The following LINC00237 variants were observed in gnomAD, a reference collection of about 807,000 sequenced individuals.
LINC00237 encodes the protein long independently transcribed non-coding RNA 237.
intron 1 of LINC00237, among the ~76,000 whole-genome samples, chr20:21,095,367 AC>A (rs770271513): frequency 7.9e-5 from 12 of 152,228 alleles, no homozygotes; most frequent in Non-Finnish European, 1.3e-4. Context: ...AAAGTGCCCA[AC>A]AAGCCCTGCT....
chr20:21,090,260 GTTC>G (rs1296014450), intron 2 of LINC00237: 1 of 152,226 alleles, frequency 6.6e-6, no homozygotes, highest in African/African-American at 2.4e-5. Flanking sequence ...AGGAAGGCCA[GTTC>G]TTCTATTATC....
intron 2 of LINC00237, among the ~76,000 whole-genome samples, chr20:21,090,890 T>A (rs906994623): frequency 1.3e-5 from 2 of 152,192 alleles, no homozygotes; most frequent in African/African-American, 4.8e-5. Flanking sequence ...CTACACTCAT[T>A]TGGCTGTGAC....
intron 2 of LINC00237, among the ~76,000 whole-genome samples, chr20:21,091,061 G>T (rs1175504264): frequency 7.9e-6 from 1 of 126,064 alleles, no homozygotes; most frequent in Non-Finnish European, 1.6e-5. Context: ...GTGTGTGTGC[G>T]TGTGTGTGTG....
chr20:21,097,066 G>A (rs925612785), intron 1 of LINC00237, among the ~76,000 whole-genome samples: 1 of 152,190 alleles, frequency 6.6e-6, no homozygotes, highest in African/African-American at 2.4e-5. Context: ...AAAGAACCAC[G>A]GGGCTAGCTG....
At chr20:21,092,925 T>C (rs1019289055) in intron 2 of LINC00237, 1 of 152,216 alleles carries the variant, frequency 6.6e-6, no homozygotes, top group African/African-American at 2.4e-5. Context: ...ATTGCTAAAG[T>C]TGCTAAGTCA....
At chr20:21,104,868 CAT>C (rs2030977835) in intron 1 of LINC00237, among the ~76,000 whole-genome samples, 1 of 152,176 alleles carries the variant, frequency 6.6e-6, no homozygotes. Flanking sequence ...CACACACACT[CAT>C]ATATTTTTTC....
At chr20:21,090,008 T>C (rs1371755664) in intron 2 of LINC00237, 1 of 152,250 alleles carries the variant, frequency 6.6e-6, no homozygotes, top group Non-Finnish European at 1.5e-5. Context: ...TGTTTTTATG[T>C]AGACGTCTGA....
intron 1 of LINC00237, among the ~76,000 whole-genome samples, chr20:21,100,585 A>C (rs1214523738): frequency 6.6e-6 from 1 of 152,042 alleles, no homozygotes; most frequent in Admixed American, 6.5e-5. Flanking sequence ...CGCTAACCCC[A>C]AAAACATTTT....
chr20:21,086,554 C>CTA (rs200504314), intron 3 of LINC00237, among the ~76,000 whole-genome samples: 2 of 103,058 alleles, frequency 1.9e-5, no homozygotes, highest in South Asian at 3.1e-4. Flanking sequence ...TATATATGTA[C>CTA]TATATATATA....
intron 1 of LINC00237, among the ~76,000 whole-genome samples, chr20:21,105,461 C>T (rs2122187713): frequency 6.6e-6 from 1 of 152,352 alleles, no homozygotes; most frequent in Non-Finnish European, 1.5e-5. Flanking sequence ...GCTGCAGCCC[C>T]CGGAGCAGAC....
intron 2 of LINC00237, among the ~76,000 whole-genome samples, chr20:21,088,224 G>A (rs765738457): frequency 3.2e-4 from 48 of 152,100 alleles, no homozygotes; most frequent in Non-Finnish European, 1.6e-4. Flanking sequence ...TAAAGGTGGC[G>A]TAGAAAGATA....
chr20:21,092,649 T>C (rs1568885041), intron 2 of LINC00237, among the ~76,000 whole-genome samples: 1 of 152,174 alleles, frequency 6.6e-6, no homozygotes, highest in Non-Finnish European at 1.5e-5. Context: ...ATTAACAGAA[T>C]GGCCAGTCTT....
chr20:21,100,608 G>A (rs1191698046), intron 1 of LINC00237, among the ~76,000 whole-genome samples: 1 of 149,990 alleles, frequency 6.7e-6, no homozygotes, highest in African/African-American at 2.5e-5. Context: ...TTTTCTTTTT[G>A]TTCTTTGTAA....
At chr20:21,096,635 A>T (rs1379014265) in intron 1 of LINC00237, among the ~76,000 whole-genome samples, 1 of 152,168 alleles carries the variant, frequency 6.6e-6, no homozygotes, top group Non-Finnish European at 1.5e-5. Flanking sequence ...GCCTTTCTGC[A>T]CACTATTTTT....
In LINC00237 at chr20:21,096,065, G is replaced by T. The variant is rs143131612; in HGVS notation, n.89-2213C>A. Among the ~76,000 whole-genome samples, 263 of 152,182 alleles carry T rather than the reference G, an allele frequency of 1.7e-3. 1 individual carries two copies. Among genetic ancestry groups the T allele is most frequent in the African/African-American group, 6.2e-3 (259 of 41,494 alleles). ...TGTCTCTCAACTTCATTCCCTTACTGGTGTTTCCAGAGATCACCTTTCGGT... is the reference window on the plus strand; with the variant it reads ...TGTCTCTCAACTTCATTCCCTTACTTGTGTTTCCAGAGATCACCTTTCGGT... On this transcript the variant is annotated intron_variant and non_coding_transcript_variant, in intron 1 of 3. Coordinates refer to ENST00000691244, the Ensembl canonical transcript of LINC00237.
intron 2 of LINC00237, among the ~76,000 whole-genome samples, chr20:21,088,209 G>T (rs569574388): frequency 6.6e-6 from 1 of 152,082 alleles, no homozygotes; most frequent in Admixed American, 6.6e-5. Context: ...CTATAGGACC[G>T]TGAATAAAGG....
intron 3 of LINC00237, among the ~76,000 whole-genome samples, chr20:21,086,626 T>C (rs1332022495): frequency 5.0e-5 from 2 of 39,916 alleles, no homozygotes; most frequent in Non-Finnish European, 1.1e-4. Context: ...GTATACTATA[T>C]ATAGTATACT....
intron 2 of LINC00237, among the ~76,000 whole-genome samples, chr20:21,089,050 G>A (rs1345131940): frequency 6.6e-6 from 1 of 151,864 alleles, no homozygotes; most frequent in Non-Finnish European, 1.5e-5. Flanking sequence ...AATAATGTCA[G>A]AATGGAGCAA....
intron 1 of LINC00237, among the ~76,000 whole-genome samples, chr20:21,102,848 G>T (rs1172660404): frequency 6.6e-6 from 1 of 152,190 alleles, no homozygotes; most frequent in African/African-American, 2.4e-5. Context: ...TGTCTGTGGT[G>T]ATGGGTGTGC....
Sources: gnomAD v4.1 joint callset for allele counts (sites outside exome capture counted in the v4.1 genomes callset) on GRCh38, gnomAD v4.1.1 for gene constraint, MANE v1.5 for transcripts, NCBI Gene and HGNC (gene_info 2026-07-23, HGNC 2026-07-21) for gene names.